Variants in CEP350 observed in about 807,000 individuals in gnomAD.
The protein encoded by CEP350 is centrosomal protein 350, also known as centrosome-associated protein 350.
A neutral mutation model predicts 331.8 loss-of-function variants in CEP350; 126 were observed. The ratio of observed to expected loss-of-function variants is 0.38; its 90% CI spans 0.33 to 0.44. The LOEUF (loss-of-function observed/expected upper bound fraction) is 0.44, where lower values mean the gene tolerates loss of function less well. Among genes scored for constraint, CEP350 ranks in the 20% least tolerant of loss-of-function variants. The pLI is 1.00. For synonymous variants in CEP350, 1,200 were observed against 1,259.5 expected, an observed-to-expected ratio of 0.95 and a Z score of 1.00; for missense variants, 3,406 against 3,634.6, an observed-to-expected ratio of 0.94 and a Z score of 1.62.
At chr1:179,981,189 A>T (rs1437624556) in intron 1 of CEP350, among the ~76,000 whole-genome samples, 1 of 152,178 alleles carries the variant, frequency 6.6e-6, no homozygotes, top group Non-Finnish European at 1.5e-5. Context: ...ACAAAAATTC[A>T]GTACTTCCAG....
intron 22 of CEP350, among the ~76,000 whole-genome samples, chr1:180,051,088 A>G (rs1214695226): frequency 1.3e-5 from 2 of 152,238 alleles, no homozygotes; most frequent in Admixed American, 6.5e-5. Flanking sequence ...ACTGATGTTC[A>G]TAGCAGCGTA....
intron 34 of CEP350, among the ~76,000 whole-genome samples, chr1:180,094,915 C>T (rs1348043956): frequency 6.6e-6 from 1 of 152,184 alleles, no homozygotes; most frequent in Admixed American, 6.5e-5. Flanking sequence ...TTGACAACCC[C>T]TGTACTGTCC....
chr1:179,974,343 G>A (rs1341129420), intron 1 of CEP350, among the ~76,000 whole-genome samples: 1 of 152,154 alleles, frequency 6.6e-6, no homozygotes, highest in African/African-American at 2.4e-5. Context: ...GCCTCCCAAA[G>A]TGCTGGGATT....
At chr1:179,978,321 G>A (rs1051227334) in intron 1 of CEP350, among the ~76,000 whole-genome samples, 1 of 152,156 alleles carries the variant, frequency 6.6e-6, no homozygotes, top group Admixed American at 6.5e-5. Flanking sequence ...TTGATACAAT[G>A]TGTAGTGATC....
intron 25 of CEP350, among the ~76,000 whole-genome samples, chr1:180,056,028 TCTTTTCACTTTCTTGATAG>T (rs1657817612): frequency 6.6e-6 from 1 of 152,174 alleles, no homozygotes; most frequent in African/African-American, 2.4e-5. Context: ...CTGTGGGGTT[TCTTTTCACTTTCTTGATAG>T]TATCCTTTGA....
intron 14 of CEP350, among the ~76,000 whole-genome samples, chr1:180,029,014 A>G (rs1655847065): frequency 6.6e-6 from 1 of 152,140 alleles, no homozygotes; most frequent in Admixed American, 6.5e-5. Context: ...TTTCTCCTTC[A>G]TCCCCAAGTT....
intron 1 of CEP350, among the ~76,000 whole-genome samples, chr1:179,967,135 C>T (rs1354732569): frequency 6.6e-6 from 1 of 152,086 alleles, no homozygotes; most frequent in African/African-American, 2.4e-5. Flanking sequence ...TGTACAGTTG[C>T]TCTATTTTTG....
chr1:180,020,008 A>T lies in CEP350; in HGVS notation c.2234A>T (p.His745Leu). The change falls in exon 12 of 38, where the codon CAT becomes CTT. Residue 745 changes from histidine (H) to leucine (L), a missense_variant. His to Leu is a moderately conservative substitution (Grantham distance 99, BLOSUM62 -3). Transcript: ENST00000367607. The part of the protein sequence containing the change: ...QPERLSPQVH[H>L]SQPQPFAGTA... ...GAAAGATTGAGCCCACAAGTTCACC[A>T]TTCTCAACCACAGCCTTTTGCTGGA... is the stretch of plus-strand genomic sequence containing the variant. 1 of 1,613,810 alleles carries T rather than the reference A, an allele frequency of 6.2e-7. No individual in the cohort carries two copies. Among genetic ancestry groups the T allele is most frequent in the Non-Finnish European group, 8.5e-7 (1 of 1,179,772 alleles).
chr1:180,037,818 T>G (rs1399587910), intron 17 of CEP350, among the ~76,000 whole-genome samples: 1 of 152,038 alleles, frequency 6.6e-6, no homozygotes, highest in Non-Finnish European at 1.5e-5. Context: ...CCCGGCTAAT[T>G]TTTTGTATTT....
chr1:179,969,386 G>A lies in CEP350; in HGVS notation c.-14+14244G>A, dbSNP rs138255266. On this transcript the variant is annotated intron_variant, in intron 1 of 37. Transcript: ENST00000367607. ...TGAGGTTGCAGACTGGTCTGAGGGC[G>A]TGCGGGTGCCCTCTGTGCCTATTCA... The A allele has an allele frequency of 8.6e-4, 442 of 514,842 alleles. 2 individuals carry two copies. Among genetic ancestry groups the A allele is most frequent in the African/African-American group, 6.3e-3 (328 of 51,904 alleles). 31.9% of individuals were successfully genotyped at this position (514,842 alleles called of 1,614,324 possible).
At chr1:180,079,223 CT>C (rs34003535) in intron 29 of CEP350, among the ~76,000 whole-genome samples, 232 of 146,152 alleles carry the variant, frequency 1.6e-3, no homozygotes, top group African/African-American at 4.5e-3. Flanking sequence ...AAACTTAACT[CT>C]TTTTTTTTTT....
chr1:180,033,547 C>T (rs1656158184), intron 15 of CEP350, among the ~76,000 whole-genome samples: 1 of 152,060 alleles, frequency 6.6e-6, no homozygotes, highest in African/African-American at 2.4e-5. Flanking sequence ...TTGCTTCATG[C>T]TATAATGAGT....
At chr1:179,975,312 A>C (rs1651780005) in intron 1 of CEP350, among the ~76,000 whole-genome samples, 1 of 152,216 alleles carries the variant, frequency 6.6e-6, no homozygotes, top group Admixed American at 6.5e-5. Context: ...AGTGTCCATC[A>C]TGCTAAGGAG....
chr1:180,003,244 C>T lies in CEP350; in HGVS notation c.1089C>T (p.Asn363=), dbSNP rs999304915. Residue 363 remains asparagine (N), a synonymous_variant, in exon 7 of 38, where the codon AAC becomes AAT. Transcript: ENST00000367607. ...TGTGGCAGGAGGCTGAGTTTCAAAA[C>T]ATGAGTAGAGAACTGTATCGAGATT... ...GKVWQEAEFQ[N]MSRELYRDLA... 1 of 1,613,054 alleles carries T rather than the reference C, an allele frequency of 6.2e-7. No individual in the cohort carries two copies.
At chr1:180,050,671 AC>A (rs1657430916) in intron 22 of CEP350, among the ~76,000 whole-genome samples, 6 of 140,076 alleles carry the variant, frequency 4.3e-5, no homozygotes, top group African/African-American at 1.4e-4. Context: ...CTCCAAAAAA[AC>A]CAAAAAAAAA....
At position 180,092,948 on chromosome 1, in the gene CEP350, T is replaced by G. The variant is rs1171319121; in HGVS notation, c.6843T>G (p.Ser2281=). 2.5e-6 allele frequency: 4 copies of G among 1,593,866 alleles called. No individual in the cohort carries two copies. The African/African-American group carries it at 5.4e-5, about 21-fold the overall frequency. Reference sequence around the variant, plus strand: ...ATGCCTTTTCTAAAGAAGGTAAATCTGATGTCTTACTGAAATTAGTCCTAG... The same window carrying G: ...ATGCCTTTTCTAAAGAAGGTAAATCGGATGTCTTACTGAAATTAGTCCTAG... ...IEDAFSKEGK[S]DVLLKLVLEQ... Residue 2281 remains serine, a synonymous_variant, in exon 34 of 38, where the codon TCT becomes TCG. Coordinates refer to ENST00000367607, the MANE Select transcript of CEP350 (RefSeq NM_014810.5).
chr1:179,995,590 T>C (rs1047767264), intron 5 of CEP350, among the ~76,000 whole-genome samples: 1 of 152,180 alleles, frequency 6.6e-6, no homozygotes, highest in South Asian at 2.1e-4. Flanking sequence ...GGTGACAGAA[T>C]GAGAATCCTT....
chr1:180,042,828 T>C (rs1179943420), intron 19 of CEP350, among the ~76,000 whole-genome samples: 1 of 152,256 alleles, frequency 6.6e-6, no homozygotes, highest in African/African-American at 2.4e-5. Flanking sequence ...TAGATTGTTA[T>C]AGCTGGGTGA....
chr1:180,015,286 T>C (rs1267953606), intron 10 of CEP350, among the ~76,000 whole-genome samples: 7 of 151,950 alleles, frequency 4.6e-5, no homozygotes, highest in Non-Finnish European at 1.0e-4. Flanking sequence ...CAGGCTGGAG[T>C]GCAGTGGCGC....
Sources: allele counts gnomAD v4.1 joint callset (sites outside exome capture counted in the v4.1 genomes callset), GRCh38; gene constraint gnomAD v4.1.1; transcripts MANE v1.5; gene names NCBI Gene and HGNC (gene_info 2026-07-23, HGNC 2026-07-21).